KPNA3: variants seen among roughly 807,000 people sequenced by gnomAD.
The protein encoded by KPNA3 is importin subunit alpha-4.
KPNA3 carries 13 observed loss-of-function variants against 73.8 expected under a neutral mutation model. The observed-to-expected ratio is 0.18, with a 90% CI of 0.11 to 0.28. The LOEUF (loss-of-function observed/expected upper bound fraction) is 0.28. KPNA3 is among the 10% of genes least tolerant of loss of function. The pLI, the probability that KPNA3 is intolerant of heterozygous loss-of-function variation, is 1.00. For missense variants in KPNA3, 360 were observed against 618.1 expected, an observed-to-expected ratio of 0.58 and a Z score of 4.43; for synonymous variants, 186 against 206.9, an observed-to-expected ratio of 0.90 and a Z score of 0.87.
intron 2 of KPNA3, among the ~76,000 whole-genome samples, chr13:49,740,342 A>G (rs1954562270): frequency 6.6e-6 from 1 of 152,134 alleles, no homozygotes; most frequent in East Asian, 1.9e-4. Flanking sequence ...TGATTTTTCA[A>G]GAATATAACA....
chr13:49,777,212 A>G (rs554306414), intron 1 of KPNA3, among the ~76,000 whole-genome samples: 17 of 152,348 alleles, frequency 1.1e-4, no homozygotes, highest in Admixed American at 2.0e-4. Context: ...CATTTTGCAT[A>G]AAGAAAAATA....
intron 2 of KPNA3, among the ~76,000 whole-genome samples, chr13:49,745,988 G>A (rs556036366): frequency 8.0e-4 from 120 of 150,480 alleles, no homozygotes; most frequent in African/African-American, 2.7e-3. Context: ...GCATGAACCC[G>A]GGAGGCGGAG....
Position 49,706,381 on chromosome 13 carries a change from G to C in KPNA3, c.1033-9C>G. The stretch of plus-strand genomic sequence containing the variant: ...AGGAACCACACTGCTTCCTATAATT[G>C]AACAAAATATAGGGCACCTTTATTT... On this transcript the variant is annotated splice_polypyrimidine_tract_variant and intron_variant, in intron 12 of 16. Transcript: ENST00000261667. 2 of 1,592,040 alleles carry C rather than the reference G, an allele frequency of 1.3e-6. No individual in the cohort carries two copies. The highest frequency in any genetic ancestry group is 1.7e-6 in the Non-Finnish European group (2 of 1,160,778).
chr13:49,725,591 G>T, intron 6 of KPNA3, 90 bp from the exon 7 acceptor site: 3 of 758,468 alleles, frequency 4.0e-6, no homozygotes, highest in Non-Finnish European at 4.1e-6. Context: ...GCTATTCTTT[G>T]CCTTGTCCTT....
At chr13:49,732,119 T>G (rs1954475512) in intron 6 of KPNA3, among the ~76,000 whole-genome samples, 1 of 152,164 alleles carries the variant, frequency 6.6e-6, no homozygotes, top group Non-Finnish European at 1.5e-5. Flanking sequence ...TATAAATATT[T>G]GAGATAAGTT....
chr13:49,771,648 C>T (rs1954856461), intron 1 of KPNA3, among the ~76,000 whole-genome samples: 1 of 152,056 alleles, frequency 6.6e-6, no homozygotes, highest in African/African-American at 2.4e-5. Flanking sequence ...ATTTTTGAGA[C>T]AGGGTCTCAC....
chr13:49,708,523 GT>G (rs1954229587), intron 12 of KPNA3, among the ~76,000 whole-genome samples: 1 of 152,168 alleles, frequency 6.6e-6, no homozygotes. Flanking sequence ...TCTACTTGCA[GT>G]TATATATCCA....
rs1954149169 is a variant in KPNA3, at chr13:49,701,680, G to A, written c.*120C>T. On this transcript the variant is annotated 3_prime_UTR_variant, in exon 17 of 17. Transcript: ENST00000261667. ...GACTGAGACATGGCTTGCTTTAGAA[G>A]CATCAAAACAAAGAGGCATGTGTGT... 2 of 781,400 alleles carry A rather than the reference G, an allele frequency of 2.6e-6. No individual in the cohort carries two copies. The highest frequency in any genetic ancestry group is 1.4e-5 in the South Asian group (1 of 72,186). 48.4% of individuals were successfully genotyped at this position (781,400 alleles called of 1,614,324 possible). A position where few individuals can be genotyped will look rare whatever the true frequency, so the allele number is the denominator to read the frequency against.
intron 1 of KPNA3, among the ~76,000 whole-genome samples, chr13:49,767,683 C>T (rs768385289): frequency 6.6e-6 from 1 of 152,152 alleles, no homozygotes; most frequent in Non-Finnish European, 1.5e-5. Context: ...GGCTCTGTCA[C>T]TAACTAGCTA....
rs759231150 is a variant in KPNA3 at position 49,701,894 on chromosome 13, T to C, written c.1472A>G (p.Asp491Gly). The change falls in exon 17 of 17, where the codon GAT (aspartate) becomes GGT (glycine). Residue 491 changes from aspartate (D) to glycine (G), a missense_variant. Around this residue, in one of 3 missense-constraint regions of KPNA3, gnomAD observed 38 missense variants for 39.0 expected, o/e 0.98. Transcript: ENST00000261667. ...IDQYFSGDDI[D>G]EDPCLIPEAT... Reference sequence around the variant, plus strand: ...TTCAGGAATGAGGCAGGGATCTTCATCAATCTGTAAAAAACAAGAAAAAAA... The same window carrying C: ...TTCAGGAATGAGGCAGGGATCTTCACCAATCTGTAAAAAACAAGAAAAAAA... 5.0e-6 allele frequency: 8 copies of C among 1,608,894 alleles called. No individual in the cohort carries two copies. In the South Asian group the frequency reaches 8.8e-5, roughly 18 times the overall value.
intron 1 of KPNA3, among the ~76,000 whole-genome samples, chr13:49,766,980 G>T (rs1258670249): frequency 7.0e-6 from 1 of 143,348 alleles, no homozygotes. Flanking sequence ...CCTCTTCACA[G>T]AGGTAATCAA....
At chr13:49,702,704 C>T (rs923273749) in intron 15 of KPNA3, among the ~76,000 whole-genome samples, 1 of 152,032 alleles carries the variant, frequency 6.6e-6, no homozygotes, top group Non-Finnish European at 1.5e-5. Flanking sequence ...TTGAGGTACC[C>T]GGATCCCTGA....
At chr13:49,740,347 A>G (rs564368508) in intron 2 of KPNA3, among the ~76,000 whole-genome samples, 4 of 152,126 alleles carry the variant, frequency 2.6e-5, no homozygotes, top group Non-Finnish European at 4.4e-5. Flanking sequence ...TTTCAAGAAT[A>G]TAACACATTG....
intron 1 of KPNA3, among the ~76,000 whole-genome samples, chr13:49,766,036 T>C (rs1360082712): frequency 6.6e-6 from 1 of 152,186 alleles, no homozygotes; most frequent in Non-Finnish European, 1.5e-5. Flanking sequence ...TCTTACTTAA[T>C]TTACTGTTTT....
chr13:49,723,735 T>C, intron 7 of KPNA3, among the ~76,000 whole-genome samples: 1 of 150,678 alleles, frequency 6.6e-6, no homozygotes, highest in Non-Finnish European at 1.5e-5. Flanking sequence ...CTGGACATGG[T>C]GGTGTGTGCC....
chr13:49,718,446 C>T (rs1223498509), intron 10 of KPNA3, among the ~76,000 whole-genome samples: 1 of 152,144 alleles, frequency 6.6e-6, no homozygotes, highest in East Asian at 1.9e-4. Flanking sequence ...TTCACATAAA[C>T]ACAACCAACA....
At chr13:49,759,258 T>C (rs759564462) in intron 1 of KPNA3, among the ~76,000 whole-genome samples, 4 of 152,246 alleles carry the variant, frequency 2.6e-5, no homozygotes, top group Non-Finnish European at 2.9e-5. Flanking sequence ...TTTATTTTAC[T>C]GTTTCTAAAC....
chr13:49,763,977 G>T (rs1594455958), intron 1 of KPNA3, among the ~76,000 whole-genome samples: 2 of 150,786 alleles, frequency 1.3e-5, no homozygotes, highest in African/African-American at 2.4e-5. Context: ...TGAGATGGAA[G>T]GATCGCCTGA....
chr13:49,781,410 T>C (rs1458689189), intron 1 of KPNA3, among the ~76,000 whole-genome samples: 2 of 152,176 alleles, frequency 1.3e-5, no homozygotes, highest in Admixed American at 6.5e-5. Context: ...AAGAAGAAAA[T>C]GAAGAAATGA....
Sources: allele counts gnomAD v4.1 joint callset (sites outside exome capture counted in the v4.1 genomes callset), GRCh38; gene constraint gnomAD v4.1.1; regional missense constraint gnomAD v4.1.1; transcripts MANE v1.5; gene names NCBI Gene and HGNC (gene_info 2026-07-23, HGNC 2026-07-21).